The following NTM variants were observed in gnomAD, a reference collection of about 807,000 sequenced individuals.
NTM encodes the protein IgLON family member 2.
A neutral mutation model predicts 42.1 loss-of-function variants in NTM; 13 were observed. The ratio of observed to expected loss-of-function variants is 0.31; its 90% CI spans 0.20 to 0.49. The LOEUF is 0.49. NTM is among the 20% of genes least tolerant of loss of function. The pLI is 0.99. For synonymous variants in NTM, 187 were observed against 179.2 expected, an observed-to-expected ratio of 1.04 and a Z score of -0.35; for missense variants, 373 against 452.8, an observed-to-expected ratio of 0.82 and a Z score of 1.60.
At position 131,598,443 on chromosome 11, in the gene NTM, TAGTC is replaced by T. The variant is rs1052033071; in HGVS notation, c.82+227558_82+227561del. On this transcript the variant is annotated intron_variant, in intron 1 of 8. Coordinates refer to ENST00000683400, the MANE Select transcript of NTM (RefSeq NM_001352005.2). ...ACTGTCCTTGTTATGTAGATTCTGT[TAGTC>T]AGGATTCTGTGTGGCTTTAACAAAA... 9.2e-5 allele frequency among the ~76,000 whole-genome samples: 14 copies of T among 152,322 alleles called. No homozygotes were observed. The South Asian group carries it at 1.2e-3, about 14-fold the overall frequency.
intron 2 of NTM, among the ~76,000 whole-genome samples, chr11:131,958,819 A>G (rs1350580120): frequency 6.6e-6 from 1 of 152,156 alleles, no homozygotes; most frequent in East Asian, 1.9e-4. Context: ...TGTGAATTCC[A>G]TTAGATTTAT....
At chr11:131,927,102 A>G (rs75697421) in intron 2 of NTM, among the ~76,000 whole-genome samples, 2,272 of 152,286 alleles carry the variant, frequency 0.015, 46 homozygotes, top group African/African-American at 0.051. Context: ...AGAATTATTT[A>G]GCACATATTT....
intron 1 of NTM, among the ~76,000 whole-genome samples, chr11:131,763,318 T>C (rs1017480646): frequency 2.0e-5 from 3 of 152,180 alleles, no homozygotes; most frequent in Admixed American, 2.0e-4. Context: ...TGATGCAAGA[T>C]TGAGTGTCTG....
At chr11:131,748,762 C>T (rs1023075874) in intron 1 of NTM, among the ~76,000 whole-genome samples, 26 of 152,180 alleles carry the variant, frequency 1.7e-4, no homozygotes, top group African/African-American at 5.8e-4. Context: ...CTCTGCAAAA[C>T]AGATGGGAGG....
intron 2 of NTM, among the ~76,000 whole-genome samples, chr11:132,109,516 T>A (rs1591570182): frequency 6.6e-6 from 1 of 152,148 alleles, no homozygotes; most frequent in Non-Finnish European, 1.5e-5. Context: ...GGAAAAAAAT[T>A]AAATATTTTT....
intron 2 of NTM, among the ~76,000 whole-genome samples, chr11:132,136,626 G>A (rs149042755): frequency 5.3e-5 from 8 of 152,310 alleles, no homozygotes; most frequent in South Asian, 2.1e-4. Flanking sequence ...TGCCCAGTTC[G>A]CACACATGGG....
At chr11:131,976,307 T>C (rs2064376682) in intron 2 of NTM, among the ~76,000 whole-genome samples, 1 of 151,734 alleles carries the variant, frequency 6.6e-6, no homozygotes, top group Non-Finnish European at 1.5e-5. Context: ...AGGAGATGGG[T>C]TGTTCTGATT....
At chr11:131,776,209 C>G (rs1020946289) in intron 1 of NTM, among the ~76,000 whole-genome samples, 1 of 152,224 alleles carries the variant, frequency 6.6e-6, no homozygotes, top group African/African-American at 2.4e-5. Flanking sequence ...ATTTGTGGCT[C>G]AAAGGCTTTT....
chr11:131,839,041 A>G (rs1005915067), intron 1 of NTM, among the ~76,000 whole-genome samples: 1 of 151,618 alleles, frequency 6.6e-6, no homozygotes, highest in African/African-American at 2.4e-5. Flanking sequence ...GCTCACTGCA[A>G]CCTCTGCCTC....
At chr11:131,721,776 C>T (rs528922238) in intron 1 of NTM, among the ~76,000 whole-genome samples, 7 of 151,962 alleles carry the variant, frequency 4.6e-5, no homozygotes, top group South Asian at 2.1e-4. Flanking sequence ...GTGGGAGGAT[C>T]GTCTGAGGTC....
intron 4 of NTM, among the ~76,000 whole-genome samples, chr11:132,269,403 C>T (rs553456644): frequency 2.6e-5 from 4 of 152,232 alleles, no homozygotes; most frequent in East Asian, 1.9e-4. Flanking sequence ...TAGACTGCAC[C>T]GTCTATCCCA....
chr11:132,049,454 G>A (rs955334797), intron 2 of NTM, among the ~76,000 whole-genome samples: 5 of 152,176 alleles, frequency 3.3e-5, no homozygotes, highest in Non-Finnish European at 7.4e-5. Context: ...GCAGGGGTGC[G>A]GTTGTGAGGC....
rs181707531 is a variant in NTM at position 131,539,847 on chromosome 11, A to G, written c.82+168959A>G. On this transcript the variant is annotated intron_variant, in intron 1 of 8. Transcript: ENST00000683400. ...AGCTACTAGGAGAATGAGAGGCCCT[A>G]TGTTATCTGGCCTCTGCCTCTATCC... Among the ~76,000 whole-genome samples the G allele has an allele frequency of 9.2e-5, 14 of 152,264 alleles. No individual in the cohort carries two copies. The East Asian group carries it at 2.5e-3, about 27-fold the overall frequency.
At chr11:131,457,761 T>C (rs1049799226) in intron 1 of NTM, among the ~76,000 whole-genome samples, 2 of 151,996 alleles carry the variant, frequency 1.3e-5, no homozygotes, top group East Asian at 3.9e-4. Flanking sequence ...AACTCATAAT[T>C]TGATAGTATT....
chr11:131,943,536 G>A (rs112013285), intron 2 of NTM, among the ~76,000 whole-genome samples: 2,718 of 152,266 alleles, frequency 0.018, 32 homozygotes, highest in Non-Finnish European at 0.027. Flanking sequence ...GTCTGGGTTG[G>A]CGCCCTGCCA....
chr11:132,313,482 A>G (rs915231429), intron 6 of NTM, among the ~76,000 whole-genome samples: 4 of 152,176 alleles, frequency 2.6e-5, no homozygotes, highest in African/African-American at 9.7e-5. Flanking sequence ...TTTTGCCCCA[A>G]GAGTATTCAT....
chr11:131,409,963 A>G (rs1407531551), intron 1 of NTM, among the ~76,000 whole-genome samples: 1 of 152,178 alleles, frequency 6.6e-6, no homozygotes, highest in African/African-American at 2.4e-5. Flanking sequence ...AGCAAGGAAG[A>G]TGCAGGTAGA....
chr11:132,147,732 C>T (rs1047353527), intron 3 of NTM, among the ~76,000 whole-genome samples: 1 of 152,032 alleles, frequency 6.6e-6, no homozygotes, highest in African/African-American at 2.4e-5. Flanking sequence ...GGACGTGTAG[C>T]TCCAGGGTGA....
intron 1 of NTM, among the ~76,000 whole-genome samples, chr11:131,380,652 A>C (rs185369257): frequency 6.6e-6 from 1 of 152,258 alleles, no homozygotes; most frequent in East Asian, 1.9e-4. Flanking sequence ...GGGCCAGGAC[A>C]ATCTTATTTA....
Sources: allele counts gnomAD v4.1 joint callset (sites outside exome capture counted in the v4.1 genomes callset), GRCh38; gene constraint gnomAD v4.1.1; transcripts MANE v1.5; gene names NCBI Gene and HGNC (gene_info 2026-07-23, HGNC 2026-07-21).